ACOX3: variants seen among roughly 807,000 people sequenced by gnomAD.
The protein encoded by ACOX3 is acyl-CoA oxidase 3, pristanoyl.
ACOX3 carries 73 observed loss-of-function variants against 81.5 expected under a neutral mutation model. The observed-to-expected ratio is 0.90, with a 90% CI of 0.74 to 1.09. The LOEUF is 1.09. Ranked by LOEUF, ACOX3 falls within the 50% of genes least tolerant of loss-of-function variation. The pLI is 0.00. For synonymous variants in ACOX3, 387 were observed against 375.1 expected (o/e 1.03, Z -0.37); for missense variants, 947 against 928.0 (o/e 1.02, Z -0.27).
At chr4:8,373,294 G>A (rs1166251736) in intron 16 of ACOX3, among the ~76,000 whole-genome samples, 4 of 151,744 alleles carry the variant, frequency 2.6e-5, no homozygotes, top group South Asian at 2.1e-4. Flanking sequence ...CTGAACACAC[G>A]TGAATGTTTG....
chr4:8,415,068 A>G, intron 3 of ACOX3, 140 bp from the exon 4 acceptor site: 1 of 817,368 alleles, frequency 1.2e-6, no homozygotes. Flanking sequence ...AAGGTGGAGA[A>G]CAAGTGCTGA....
rs118096140 is a variant in ACOX3, at chr4:8,386,963, C to A, written c.1537+2210G>T. ...GAACGCGTCCTCCATGTGTGCCTGT[C>A]CCCTGCATGAGGGAGGCCAGTGCTC... On this transcript the variant is annotated intron_variant, in intron 13 of 17. Transcript: ENST00000356406. The surrounding 1 kb of genome is among the most constrained non-coding windows in gnomAD (Gnocchi z 5.2). 1.5e-4 allele frequency among the ~76,000 whole-genome samples: 23 copies of A among 152,356 alleles called. No individual in the cohort carries two copies. In the East Asian group the frequency reaches 4.2e-3, roughly 28 times the overall value.
chr4:8,422,922 C>T (rs1036782139), intron 1 of ACOX3, among the ~76,000 whole-genome samples: 1 of 152,204 alleles, frequency 6.6e-6, no homozygotes, highest in Non-Finnish European at 1.5e-5. Flanking sequence ...AAGGGAATCA[C>T]TGGAAGGCCC....
At chr4:8,361,451 A>AAAAAAAAAAAAAAAAAAAAAAAT (rs1715233311), downstream of ACOX3, among the ~76,000 whole-genome samples, 1 of 150,484 alleles carries the variant, frequency 6.6e-6, no homozygotes, top group African/African-American at 2.4e-5. Context: ...AAAAAAAAAA[A>AAAAAAAAAAAAAAAAAAAAAAAT]AAAAAAGGAT....
intron 9 of ACOX3, among the ~76,000 whole-genome samples, chr4:8,395,808 A>G (rs1052126566): frequency 6.6e-6 from 1 of 152,202 alleles, no homozygotes; most frequent in African/African-American, 2.4e-5. Context: ...AAACAGGCTC[A>G]TAGCCCTGGT....
At chr4:8,411,529 C>T (rs907878301) in intron 5 of ACOX3, among the ~76,000 whole-genome samples, 1 of 152,158 alleles carries the variant, frequency 6.6e-6, no homozygotes, top group African/African-American at 2.4e-5. Context: ...CAGCCAGGCC[C>T]TCCCCATTCA....
rs1717778905 is a variant in ACOX3, at chr4:8,382,378, C to T, written c.1538-771G>A. 6.6e-6 allele frequency among the ~76,000 whole-genome samples: 1 copy of T among 152,220 alleles called. No homozygotes were observed. The highest frequency in any genetic ancestry group is 6.5e-5 in the Admixed American group (1 of 15,290). ...GACCAGGCATGGTCCTGAGACCCCA[C>T]CAGGCTGTACTGCTACTACCCCACT... On this transcript the variant is annotated intron_variant, in intron 13 of 17. Transcript: ENST00000356406. This position sits in a 1 kb window ranked among gnomAD's most constrained non-coding sequence, Gnocchi z 4.1.
chr4:8,425,397 C>T (rs937606513), intron 1 of ACOX3, among the ~76,000 whole-genome samples: 3 of 151,714 alleles, frequency 2.0e-5, no homozygotes, highest in African/African-American at 4.8e-5. Context: ...GGCTAGCCAC[C>T]GAAGAAGGAA....
downstream of ACOX3, among the ~76,000 whole-genome samples, chr4:8,362,205 T>C (rs1715243815): frequency 6.6e-6 from 1 of 152,218 alleles, no homozygotes; most frequent in African/African-American, 2.4e-5. Flanking sequence ...TTCAGAACTC[T>C]CATAGAGAGC....
chr4:8,364,012 TC>T (rs1330275610), downstream of ACOX3, among the ~76,000 whole-genome samples: 4 of 152,174 alleles, frequency 2.6e-5, no homozygotes, highest in Non-Finnish European at 5.9e-5. This position sits in a 1 kb window ranked among gnomAD's most constrained non-coding sequence, Gnocchi z 5.0. Context: ...TCCTTTACTT[TC>T]TTAATAAACT....
chr4:8,410,085 T>C, intron 6 of ACOX3, 127 bp downstream of exon 6: 2 of 1,254,712 alleles, frequency 1.6e-6, no homozygotes, highest in Non-Finnish European at 2.2e-6. Flanking sequence ...CTGGGCAGTG[T>C]CCCTGGTCCA....
intron 1 of ACOX3, among the ~76,000 whole-genome samples, chr4:8,424,204 A>G (rs929041037): frequency 6.6e-6 from 1 of 152,258 alleles, no homozygotes; most frequent in African/African-American, 2.4e-5. Flanking sequence ...ATGGATTCCC[A>G]GGTACAGTGA....
At chr4:8,374,029 T>G (rs1578857545) in intron 15 of ACOX3, 19 of 205,956 alleles carry the variant, frequency 9.2e-5, no homozygotes, top group East Asian at 1.4e-4. Context: ...GGCGAGGGGG[T>G]GCCTGGGACC....
rs1020982521 is a variant in ACOX3, at chr4:8,430,407, A to C, written c.-15+10241T>G. 2.0e-5 allele frequency among the ~76,000 whole-genome samples: 3 copies of C among 152,156 alleles called. No individual in the cohort carries two copies. Among genetic ancestry groups the C allele is most frequent in the African/African-American group, 7.2e-5 (3 of 41,390 alleles). ...AAGACAAAGCAATCATGGTCTAATAAAAAATACACACCACTGTTTTTCAAA... is the reference window on the plus strand; with the variant it reads ...AAGACAAAGCAATCATGGTCTAATACAAAATACACACCACTGTTTTTCAAA... On this transcript the variant is annotated intron_variant, in intron 1 of 17. Coordinates refer to ENST00000356406, the MANE Select transcript of ACOX3 (RefSeq NM_003501.3). The surrounding 1 kb of genome is among the most constrained non-coding windows in gnomAD (Gnocchi z 5.2).
intron 9 of ACOX3, among the ~76,000 whole-genome samples, chr4:8,395,129 G>A (rs1051042371): frequency 1.3e-5 from 2 of 152,112 alleles, no homozygotes; most frequent in Non-Finnish European, 2.9e-5. Context: ...GGATGAGGCC[G>A]TCACCCTGGG....
chr4:8,378,798 C>G (rs1417836672), intron 14 of ACOX3, among the ~76,000 whole-genome samples: 1 of 152,232 alleles, frequency 6.6e-6, no homozygotes, highest in Non-Finnish European at 1.5e-5. Flanking sequence ...TGGCAGGAGC[C>G]AGAAAATGTT....
At chr4:8,429,068 A>C (rs1334961296) in intron 1 of ACOX3, among the ~76,000 whole-genome samples, 2 of 151,758 alleles carry the variant, frequency 1.3e-5, no homozygotes, top group African/African-American at 2.4e-5. Context: ...TCACTCGTGC[A>C]CTCCGAGATC....
chr4:8,394,038 A>G lies in ACOX3; in HGVS notation c.1179+582T>C, dbSNP rs1719382722. On this transcript the variant is annotated intron_variant, in intron 10 of 17. Coordinates refer to ENST00000356406, the MANE Select transcript of ACOX3 (RefSeq NM_003501.3). This position sits in a 1 kb window ranked among gnomAD's most constrained non-coding sequence, Gnocchi z 5.9. Reference sequence around the variant, plus strand: ...GGCTTTTTCTGATGTTGTACATAACAGCAATCTGTGGCGTTTCTCCTCTGC... The same window carrying G: ...GGCTTTTTCTGATGTTGTACATAACGGCAATCTGTGGCGTTTCTCCTCTGC... Among the ~76,000 whole-genome samples the G allele has an allele frequency of 6.6e-6, 1 of 152,254 alleles. No individual in the cohort carries two copies. The highest frequency in any genetic ancestry group is 2.1e-4 in the South Asian group (1 of 4,834).
At chr4:8,417,480 G>C (rs542758152) in intron 1 of ACOX3, among the ~76,000 whole-genome samples, 1 of 151,916 alleles carries the variant, frequency 6.6e-6, no homozygotes, top group African/African-American at 2.4e-5. Context: ...TGTGAGCCAA[G>C]TACTACTGCC....
Sources: allele counts gnomAD v4.1 joint callset (sites outside exome capture counted in the v4.1 genomes callset), GRCh38; gene constraint gnomAD v4.1.1; non-coding constraint Gnocchi (gnomAD v3.1); transcripts MANE v1.5; gene names NCBI Gene and HGNC (gene_info 2026-07-23, HGNC 2026-07-21).